Variants in PRDM16 observed in about 807,000 individuals in gnomAD.
PRDM16 encodes the protein PR/SET domain 16, also known as histone-lysine N-methyltransferase PRDM16.
A neutral mutation model predicts 110.6 loss-of-function variants in PRDM16; 23 were observed. That is an observed-to-expected ratio of 0.21 (90% CI 0.15 to 0.29). PRDM16 has a LOEUF of 0.29. Among genes scored for constraint, PRDM16 ranks in the 10% least tolerant of loss-of-function variants. The pLI, the probability that PRDM16 is intolerant of heterozygous loss-of-function variation, is 1.00. For synonymous variants in PRDM16, 799 were observed against 781.8 expected (o/e 1.02, Z -0.37); for missense variants, 1,615 against 1,794.3 (o/e 0.90, Z 1.81).
intron 1 of PRDM16, among the ~76,000 whole-genome samples, chr1:3,150,244 G>A (rs565221217): frequency 6.6e-6 from 1 of 152,298 alleles, no homozygotes; most frequent in African/African-American, 2.4e-5. Flanking sequence ...CTGACACTTG[G>A]CCCTTGGCTA....
chr1:3,428,751 C>T (rs187331412), intron 14 of PRDM16, among the ~76,000 whole-genome samples: 2 of 152,276 alleles, frequency 1.3e-5, no homozygotes, highest in African/African-American at 4.8e-5. Flanking sequence ...TGAATCATGT[C>T]CCTCAGCATT....
rs1185027838 is a variant in PRDM16 at position 3,353,969 on chromosome 1, G to A, written c.439-31183G>A. On this transcript the variant is annotated intron_variant, in intron 3 of 16. Coordinates refer to ENST00000270722, the MANE Select transcript of PRDM16 (RefSeq NM_022114.4). This position sits in a 1 kb window ranked among gnomAD's most constrained non-coding sequence, Gnocchi z 5.4. ...CACTGCTGAGCCCACACAGGCCCAA[G>A]AGAAAAGGGAAGTGTGGCCAACTCT... Among the ~76,000 whole-genome samples the A allele has an allele frequency of 1.3e-5, 2 of 152,200 alleles. No individual in the cohort carries two copies. The highest frequency in any genetic ancestry group is 2.9e-5 in the Non-Finnish European group (2 of 68,032).
chr1:3,431,459 C>T (rs1045346850), intron 15 of PRDM16, among the ~76,000 whole-genome samples: 2 of 152,246 alleles, frequency 1.3e-5, no homozygotes, highest in Non-Finnish European at 2.9e-5. Context: ...CGTGGGCACA[C>T]GGGGGCCAAG....
intron 2 of PRDM16, among the ~76,000 whole-genome samples, chr1:3,186,895 C>T (rs1290806081): frequency 6.6e-6 from 1 of 152,218 alleles, no homozygotes; most frequent in Admixed American, 6.5e-5. Flanking sequence ...ACCTGGTGGC[C>T]ACGCTGCCCC....
chr1:3,203,794 A>G (rs1488780996), intron 2 of PRDM16, among the ~76,000 whole-genome samples: 1 of 152,122 alleles, frequency 6.6e-6, no homozygotes, highest in Non-Finnish European at 1.5e-5. Context: ...TTTCCAACTC[A>G]GGCCGCGTTC....
At chr1:3,273,404 T>C (rs1020685894) in intron 3 of PRDM16, among the ~76,000 whole-genome samples, 9 of 152,088 alleles carry the variant, frequency 5.9e-5, no homozygotes, top group African/African-American at 2.2e-4. Context: ...CTGATCTGTG[T>C]GTGGAGGAGG....
At chr1:3,087,939 G>C (rs570395903) in intron 1 of PRDM16, among the ~76,000 whole-genome samples, 1 of 151,840 alleles carries the variant, frequency 6.6e-6, no homozygotes, top group African/African-American at 2.4e-5. Flanking sequence ...TTCTCAGTGA[G>C]CTGTTTCCCT....
chr1:3,091,462 G>A (rs1035444207), intron 1 of PRDM16, among the ~76,000 whole-genome samples: 2 of 152,232 alleles, frequency 1.3e-5, no homozygotes, highest in African/African-American at 4.8e-5. Flanking sequence ...CAGATCCAGG[G>A]GGAGTTCGTG....
chr1:3,107,080 T>G (rs1046867678), intron 1 of PRDM16, among the ~76,000 whole-genome samples: 3 of 152,170 alleles, frequency 2.0e-5, no homozygotes, highest in Non-Finnish European at 2.9e-5. Context: ...CTCATCAGGG[T>G]GGGGCCAGTA....
chr1:3,436,166 T>C lies in PRDM16; in HGVS notation c.*2355T>C, dbSNP rs982906086. On this transcript the variant is annotated 3_prime_UTR_variant, in exon 17 of 17. Coordinates refer to ENST00000270722, the MANE Select transcript of PRDM16 (RefSeq NM_022114.4). ...ACCCCATTTCTGTAAACCCAAATTA[T>C]ATGGTTTCTTCTGCGAAAGAGTAAG... The C allele has an allele frequency of 4.4e-6, 1 of 229,344 alleles. No homozygotes were observed. Among genetic ancestry groups the C allele is most frequent in the East Asian group, 6.2e-5 (1 of 16,142 alleles). 14.2% of individuals were successfully genotyped at this position (229,344 alleles called of 1,614,324 possible).
At chr1:3,269,930 C>T (rs935823577) in intron 3 of PRDM16, among the ~76,000 whole-genome samples, 7 of 142,608 alleles carry the variant, frequency 4.9e-5, no homozygotes, top group Admixed American at 4.1e-4. Flanking sequence ...GGAGGACAAT[C>T]GGGAGGAGGA....
intron 1 of PRDM16, among the ~76,000 whole-genome samples, chr1:3,089,635 G>A (rs906601658): frequency 7.2e-5 from 11 of 152,362 alleles, no homozygotes; most frequent in African/African-American, 1.2e-4. Flanking sequence ...GGGGCTCCCC[G>A]TGTGACTCGC....
intron 9 of PRDM16, among the ~76,000 whole-genome samples, chr1:3,413,633 G>A (rs1311602856): frequency 6.6e-6 from 1 of 152,196 alleles, no homozygotes; most frequent in Non-Finnish European, 1.5e-5. Context: ...TAAAGCAAAA[G>A]CGGCCAGTCA....
At position 3,201,052 on chromosome 1, in the gene PRDM16, G is replaced by T. The variant is rs1045050091; in HGVS notation, c.387+14578G>T. 6.6e-6 allele frequency among the ~76,000 whole-genome samples: 1 copy of T among 152,170 alleles called. No individual in the cohort carries two copies. The highest frequency in any genetic ancestry group is 2.4e-5 in the African/African-American group (1 of 41,438). On this transcript the variant is annotated intron_variant, in intron 2 of 16. Coordinates refer to ENST00000270722, the MANE Select transcript of PRDM16 (RefSeq NM_022114.4). This position sits in a 1 kb window ranked among gnomAD's most constrained non-coding sequence, Gnocchi z 4.1. ...AGTCCAGGGTCAACCCTTAGCCGGA[G>T]TGGGGACTCCGGGGAAGGCCAGCTG...
intron 1 of PRDM16, among the ~76,000 whole-genome samples, chr1:3,159,660 G>T (rs542554910): frequency 6.6e-6 from 1 of 152,228 alleles, no homozygotes; most frequent in African/African-American, 2.4e-5. Context: ...CCACACGGGT[G>T]GGTGGTGGGC....
At chr1:3,101,303 C>T (rs1449104677) in intron 1 of PRDM16, among the ~76,000 whole-genome samples, 1 of 152,228 alleles carries the variant, frequency 6.6e-6, no homozygotes. Flanking sequence ...GAGATGAGGG[C>T]CGCGAGGCAG....
In PRDM16 at chr1:3,339,658, C is replaced by G. The variant is rs917649757; in HGVS notation, c.439-45494C>G. ...TGAAGGTGACAGTCCTACTGCGGAC[C>G]CCTGGCTGCATTGTGTGTGTGGTGG... On this transcript the variant is annotated intron_variant, in intron 3 of 16. Transcript: ENST00000270722. The surrounding 1 kb of genome is among the most constrained non-coding windows in gnomAD (Gnocchi z 5.0). Among the ~76,000 whole-genome samples, 1 of 152,134 alleles carries G rather than the reference C, an allele frequency of 6.6e-6. No homozygotes were observed. Among genetic ancestry groups the G allele is most frequent in the Admixed American group, 6.5e-5 (1 of 15,280 alleles).
intron 3 of PRDM16, among the ~76,000 whole-genome samples, chr1:3,330,622 C>G (rs1642023012): frequency 6.6e-6 from 1 of 152,338 alleles, no homozygotes; most frequent in African/African-American, 2.4e-5. Flanking sequence ...CCTTGTGCCT[C>G]CACCTCAAAT....
At chr1:3,071,285 G>T (rs991584167) in intron 1 of PRDM16, among the ~76,000 whole-genome samples, 1 of 152,282 alleles carries the variant, frequency 6.6e-6, no homozygotes, top group African/African-American at 2.4e-5. Flanking sequence ...AGGTGGGGAA[G>T]GTGGCCCGGG....
Sources: allele counts gnomAD v4.1 joint callset (sites outside exome capture counted in the v4.1 genomes callset), GRCh38; gene constraint gnomAD v4.1.1; non-coding constraint Gnocchi (gnomAD v3.1); transcripts MANE v1.5; gene names NCBI Gene and HGNC (gene_info 2026-07-23, HGNC 2026-07-21).